DPH6: variants seen among roughly 807,000 people sequenced by gnomAD.
DPH6 encodes the protein diphthine--ammonia ligase.
In DPH6, 33 loss-of-function variants were observed where a neutral mutation model predicts 38.2. The ratio of observed to expected loss-of-function variants is 0.86; its 90% CI spans 0.65 to 1.15. DPH6 has a LOEUF of 1.15. DPH6 is among the 50% of genes most tolerant of loss of function. The probability of loss-of-function intolerance (pLI) is 0.00; values close to 1 mark genes in which losing one functional copy is unlikely to be tolerated. For synonymous variants in DPH6, 108 were observed against 103.0 expected, an observed-to-expected ratio of 1.05 and a Z score of -0.30; for missense variants, 325 against 320.0, an observed-to-expected ratio of 1.02 and a Z score of -0.12.
intron 3 of DPH6, among the ~76,000 whole-genome samples, chr15:35,336,341 C>T (rs1274941659): frequency 2.2e-5 from 3 of 138,716 alleles, no homozygotes; most frequent in Non-Finnish European, 4.7e-5. Context: ...TCACATAGTC[C>T]CATATTTCTT....
chr15:35,414,126 T>C (rs542529328), intron 5 of DPH6, among the ~76,000 whole-genome samples: 2 of 151,792 alleles, frequency 1.3e-5, no homozygotes, highest in East Asian at 3.9e-4. Context: ...ATATTTACAA[T>C]GTTTATGCTC....
rs2052720079 is a variant in DPH6 at position 35,372,109 on chromosome 15, A to G, written c.*41T>C. On this transcript the variant is annotated 3_prime_UTR_variant, in exon 9 of 9. Coordinates refer to ENST00000256538, the MANE Select transcript of DPH6 (RefSeq NM_080650.4). Reference sequence around the variant, plus strand: ...AGAAAATACTATGCAATTTTTTTGTATAGAAATGGTGGTTTAATGAACAAT... The same window carrying G: ...AGAAAATACTATGCAATTTTTTTGTGTAGAAATGGTGGTTTAATGAACAAT... The G allele has an allele frequency of 2.7e-6, 4 of 1,494,710 alleles. No homozygotes were observed. The highest frequency in any genetic ancestry group is 1.4e-5 in the South Asian group (1 of 72,410). 92.6% of individuals were successfully genotyped at this position (1,494,710 alleles called of 1,614,324 possible).
chr15:35,207,038 C>CT, the DPH6 span, among the ~76,000 whole-genome samples: 1,113 of 74,068 alleles, frequency 0.015, 143 homozygotes, highest in African/African-American at 0.028. Context: ...TTTAGTAAAG[C>CT]TTTTTTTTTT....
chr15:35,343,524 T>C lies in DPH6; in HGVS notation n.208-12447A>G, dbSNP rs143564063. Among the ~76,000 whole-genome samples, 32 of 152,178 alleles carry C rather than the reference T, an allele frequency of 2.1e-4. 1 individual carries two copies. Among genetic ancestry groups the C allele is most frequent in the African/African-American group, 6.7e-4 (28 of 41,574 alleles). ...ATGAATACCACACAAAAGTCCATGA[T>C]GTCTTTCTAGGTACATCATTGTCTT... On this transcript the variant is annotated intron_variant and non_coding_transcript_variant, in intron 3 of 3. Coordinates refer to the DPH6 transcript ENST00000558973.
At chr15:35,533,802 T>C (rs764333690) in intron 3 of DPH6, among the ~76,000 whole-genome samples, 1 of 151,948 alleles carries the variant, frequency 6.6e-6, no homozygotes, top group South Asian at 2.1e-4. Flanking sequence ...AGAAAGCAGA[T>C]AAAGAAGGAA....
intron 2 of DPH6, among the ~76,000 whole-genome samples, chr15:35,539,633 T>C (rs1299132086): frequency 6.6e-6 from 1 of 152,022 alleles, no homozygotes; most frequent in African/African-American, 2.4e-5. Context: ...GAATAATATT[T>C]AATGACATGG....
intron 3 of DPH6, among the ~76,000 whole-genome samples, chr15:35,517,598 C>T (rs1260639675): frequency 2.0e-5 from 3 of 151,954 alleles, no homozygotes; most frequent in African/African-American, 7.2e-5. Context: ...TTGGTTCCTT[C>T]TTTATAGTGA....
downstream of DPH6, chr15:35,365,907 A>T: frequency 2.0e-6 from 2 of 985,274 alleles, no homozygotes; most frequent in Non-Finnish European, 2.4e-6. Context: ...TTAGTTTTAC[A>T]GCATTAGGTT....
chr15:35,249,206 G>A (rs1486295904), intron 3 of DPH6, among the ~76,000 whole-genome samples: 1 of 152,126 alleles, frequency 6.6e-6, no homozygotes, highest in African/African-American at 2.4e-5. Context: ...GAAAGTTCCT[G>A]ACATGGCCCT....
At chr15:35,442,829 T>A (rs552199463) in intron 5 of DPH6, among the ~76,000 whole-genome samples, 1 of 152,200 alleles carries the variant, frequency 6.6e-6, no homozygotes, top group African/African-American at 2.4e-5. Context: ...TCTATAAAGA[T>A]ATGAAGACAC....
rs538102361 is a variant in DPH6, at chr15:35,290,148, G to T, written n.201-69566C>A. 3.8e-4 allele frequency among the ~76,000 whole-genome samples: 58 copies of T among 152,318 alleles called. 4 individuals carry two copies. In the South Asian group the frequency reaches 0.011, roughly 30 times the overall value. ...AATTGAAGCCAGCATTTACATCTGTGCCTTAATGGAATGTTGCATAATTGG... is the reference window on the plus strand; with the variant it reads ...AATTGAAGCCAGCATTTACATCTGTTCCTTAATGGAATGTTGCATAATTGG... On this transcript the variant is annotated intron_variant and non_coding_transcript_variant, in intron 3 of 3. Coordinates refer to the DPH6 transcript ENST00000560386.
chr15:35,333,425 T>C (rs898387377), intron 3 of DPH6, among the ~76,000 whole-genome samples: 2 of 152,078 alleles, frequency 1.3e-5, no homozygotes, highest in African/African-American at 2.4e-5. Flanking sequence ...TAAAAAAGCA[T>C]CAATTAAAAT....
chr15:35,449,177 C>T (rs553769551), intron 5 of DPH6, among the ~76,000 whole-genome samples: 9 of 151,976 alleles, frequency 5.9e-5, no homozygotes, highest in African/African-American at 2.2e-4. Flanking sequence ...TAAAGAATAA[C>T]TTTCATCTTT....
intron 3 of DPH6, among the ~76,000 whole-genome samples, chr15:35,321,807 T>G (rs1295494039): frequency 6.6e-6 from 1 of 152,234 alleles, no homozygotes; most frequent in East Asian, 1.9e-4. Flanking sequence ...TGATGGGTTC[T>G]TTCTAACCAC....
intron 3 of DPH6, among the ~76,000 whole-genome samples, chr15:35,468,699 GA>G (rs928121580): frequency 1.9e-4 from 29 of 151,682 alleles, no homozygotes; most frequent in South Asian, 2.1e-4. Context: ...ACAAGAAGGG[GA>G]AAAAAACCTG....
chr15:35,262,154 ATAGT>A (rs2051751171), intron 3 of DPH6, among the ~76,000 whole-genome samples: 2 of 152,300 alleles, frequency 1.3e-5, no homozygotes, highest in South Asian at 4.1e-4. Context: ...TACTTTATAT[ATAGT>A]TATACTTTTT....
chr15:35,390,509 A>T (rs1465950047), intron 6 of DPH6, among the ~76,000 whole-genome samples: 1 of 152,198 alleles, frequency 6.6e-6, no homozygotes, highest in African/African-American at 2.4e-5. Flanking sequence ...CTTTTCACAT[A>T]GTCCCATATT....
chr15:35,403,886 C>T (rs1338353951), intron 6 of DPH6, among the ~76,000 whole-genome samples: 1 of 150,928 alleles, frequency 6.6e-6, no homozygotes, highest in Non-Finnish European at 1.5e-5. Flanking sequence ...ACTACCATTT[C>T]CAGCCTCTGG....
chr15:35,294,711 G>A (rs983837222), intron 3 of DPH6, among the ~76,000 whole-genome samples: 2 of 152,130 alleles, frequency 1.3e-5, no homozygotes, highest in Non-Finnish European at 2.9e-5. Flanking sequence ...GTCTAGCAAA[G>A]GAGTCAAACT....
Sources: gnomAD v4.1 joint callset for allele counts (sites outside exome capture counted in the v4.1 genomes callset) on GRCh38, gnomAD v4.1.1 for gene constraint, MANE v1.5 for transcripts, NCBI Gene and HGNC (gene_info 2026-07-23, HGNC 2026-07-21) for gene names.